The following GSTO1 variants were observed in gnomAD, a reference collection of about 807,000 sequenced individuals.
The protein encoded by GSTO1 is glutathione S-transferase omega-1.
GSTO1 carries 27 observed loss-of-function variants against 23.8 expected under a neutral mutation model. The observed-to-expected ratio is 1.13, with a 90% CI of 0.83 to 1.56. The LOEUF (loss-of-function observed/expected upper bound fraction) is 1.56. GSTO1 is among the 40% of genes most tolerant of loss of function. GSTO1 has a pLI of 0.00. For missense variants in GSTO1, 255 were observed against 285.8 expected, an observed-to-expected ratio of 0.89 and a Z score of 0.78; for synonymous variants, 105 against 109.3, an observed-to-expected ratio of 0.96 and a Z score of 0.25.
In GSTO1 at chr10:104,267,327, T is replaced by G. The variant is rs200773057; in HGVS notation, c.648T>G (p.Leu216=). 4.3e-6 allele frequency: 7 copies of G among 1,613,516 alleles called. 1 individual carries two copies. The highest frequency in any genetic ancestry group is 5.9e-6 in the Non-Finnish European group (7 of 1,179,582). Reference sequence around the variant, plus strand: ...AAGATCCCACAGTCTCAGCCCTGCTTACTAGTGAGAAAGACTGGCAAGGTT... The same window carrying G: ...AAGATCCCACAGTCTCAGCCCTGCTGACTAGTGAGAAAGACTGGCAAGGTT... The part of the protein sequence containing the change: ...MKEDPTVSAL[L]TSEKDWQGFL... Residue 216 remains leucine (L), a synonymous_variant, in exon 6 of 6, where the codon CTT becomes CTG. Transcript: ENST00000369713.
In GSTO1 at chr10:104,254,902, G is replaced by C; in HGVS notation, c.-27G>C. 1 of 1,610,118 alleles carries C rather than the reference G, an allele frequency of 6.2e-7. No individual in the cohort carries two copies. The highest frequency in any genetic ancestry group is 8.5e-7 in the Non-Finnish European group (1 of 1,178,306). On this transcript the variant is annotated 5_prime_UTR_variant, in exon 1 of 6. Transcript: ENST00000369713. Reference sequence around the variant, plus strand: ...CTTCCTGAATCCCCTGCAAACCCCAGAGGAGCTCGGCCTGCGCTGCGCCAC... The same window carrying C: ...CTTCCTGAATCCCCTGCAAACCCCACAGGAGCTCGGCCTGCGCTGCGCCAC...
At position 104,267,395 on chromosome 10, in the gene GSTO1, A is replaced by G. The variant is rs148530043; in HGVS notation, c.716A>G (p.Tyr239Cys). Reference protein sequence around the residue: ...YLQNSPEACDYGL With the variant: ...YLQNSPEACDCGL ...CAGAACAGCCCTGAGGCCTGTGACT[A>G]TGGGCTCTGAAGGGGGCAGGAGTCA... The change falls in exon 6 of 6, where the codon TAT (tyrosine) becomes TGT (cysteine). Residue 239 changes from tyrosine to cysteine, a missense_variant. Coordinates refer to ENST00000369713, the MANE Select transcript of GSTO1 (RefSeq NM_004832.3). The G allele has an allele frequency of 1.4e-5, 23 of 1,609,882 alleles. No homozygotes were observed. Among genetic ancestry groups the G allele is most frequent in the East Asian group, 1.1e-4 (5 of 44,844 alleles).
intron 4 of GSTO1, among the ~76,000 whole-genome samples, chr10:104,265,237 T>C (rs951144044): frequency 6.6e-6 from 1 of 152,182 alleles, no homozygotes; most frequent in Non-Finnish European, 1.5e-5. Flanking sequence ...AAATACTAGT[T>C]TGGGCTTTTT....
At chr10:104,262,077 A>G (rs915613501) in intron 3 of GSTO1, among the ~76,000 whole-genome samples, 1 of 152,210 alleles carries the variant, frequency 6.6e-6, no homozygotes, top group African/African-American at 2.4e-5. Context: ...CGAGCAAGGT[A>G]AGGAAACAGG....
intron 2 of GSTO1, among the ~76,000 whole-genome samples, chr10:104,256,703 T>G (rs2091604448): frequency 6.6e-6 from 1 of 152,200 alleles, no homozygotes; most frequent in Non-Finnish European, 1.5e-5. Context: ...ATCTTCCAAC[T>G]TGCTGTGGCA....
At position 104,255,070 on chromosome 10, in the gene GSTO1, C is replaced by CG. The variant is rs1187510522; in HGVS notation, c.35-90dup. On this transcript the variant is annotated intron_variant, in intron 1 of 5. Transcript: ENST00000369713. ...CCGGGAGCGCCCCACCGGCGGGGAA[C>CG]GGGTCGGAGCTGCAGTGGGACGCGG... 2.1e-6 allele frequency: 3 copies of CG among 1,424,300 alleles called. No homozygotes were observed. The African/African-American group carries it at 4.2e-5, about 20-fold the overall frequency. 88.2% of individuals were successfully genotyped at this position (1,424,300 alleles called of 1,614,324 possible).
chr10:104,263,418 T>A (rs997896432), intron 4 of GSTO1, among the ~76,000 whole-genome samples: 4 of 152,098 alleles, frequency 2.6e-5, no homozygotes, highest in African/African-American at 4.8e-5. Flanking sequence ...TCCATATATT[T>A]AAAAAAAATT....
At chr10:104,266,804 T>C (rs549518007) in intron 5 of GSTO1, among the ~76,000 whole-genome samples, 64 of 152,282 alleles carry the variant, frequency 4.2e-4, no homozygotes, top group Non-Finnish European at 7.8e-4. Context: ...ACGACCAGTG[T>C]TACCTCCCAT....
intron 1 of GSTO1, 79 bp from the exon 2 acceptor site, chr10:104,255,084 A>T (rs1458287396): frequency 1.4e-6 from 2 of 1,427,168 alleles, no homozygotes; most frequent in Non-Finnish European, 1.9e-6. Context: ...TCGGAGCTGC[A>T]GTGGGACGCG....
At chr10:104,266,336 G>C (rs1462466806) in intron 5 of GSTO1, 146 bp downstream of exon 5, 1 of 562,828 alleles carries the variant, frequency 1.8e-6, no homozygotes, top group Non-Finnish European at 3.2e-6. Context: ...ACTATCCCAG[G>C]CATGTCATAT....
At chr10:104,262,833 C>G (rs910013144) in intron 3 of GSTO1, 146 bp from the exon 4 acceptor site, 90 of 497,654 alleles carry the variant, frequency 1.8e-4, no homozygotes, top group Non-Finnish European at 2.3e-4. Flanking sequence ...AGTCCATTAC[C>G]TCTGTGAGCG....
chr10:104,266,782 T>C (rs17116751), intron 5 of GSTO1, among the ~76,000 whole-genome samples: 11,166 of 151,984 alleles, frequency 0.073, 1,364 homozygotes, highest in African/African-American at 0.25. Flanking sequence ...AAGGATGTTG[T>C]TGCGGGATTG....
chr10:104,254,745 A>G (rs2135047321), upstream of GSTO1: 1 of 652,172 alleles, frequency 1.5e-6, no homozygotes, highest in Non-Finnish European at 2.7e-6. Flanking sequence ...ACAGCCCCTT[A>G]AGATGTTTTA....
chr10:104,262,606 G>A (rs1252695870), intron 3 of GSTO1, among the ~76,000 whole-genome samples: 3 of 152,202 alleles, frequency 2.0e-5, no homozygotes, highest in Admixed American at 6.5e-5. Context: ...CAGCTACTAA[G>A]GAGGCGGAGA....
intron 5 of GSTO1, 134 bp from the exon 6 acceptor site, chr10:104,267,118 C>T (rs986190754): frequency 1.8e-6 from 1 of 550,294 alleles, no homozygotes; most frequent in Admixed American, 3.5e-5. Context: ...CTATTACAGG[C>T]ATTTTTAAAT....
At chr10:104,262,937 T>G in intron 3 of GSTO1, 42 bp from the exon 4 acceptor site, 1 of 850,458 alleles carries the variant, frequency 1.2e-6, no homozygotes, top group Non-Finnish European at 2.0e-6. Flanking sequence ...GCCGATACAG[T>G]TAGCCATAAA....
At chr10:104,263,518 C>T (rs2011155947) in intron 4 of GSTO1, among the ~76,000 whole-genome samples, 1 of 152,152 alleles carries the variant, frequency 6.6e-6, no homozygotes, top group South Asian at 2.1e-4. Context: ...TATTTCCCAC[C>T]AGAAAAAGTT....
At chr10:104,258,677 A>G (rs1210890262) in intron 2 of GSTO1, among the ~76,000 whole-genome samples, 1 of 152,130 alleles carries the variant, frequency 6.6e-6, no homozygotes, top group African/African-American at 2.4e-5. Flanking sequence ...CCTTGGCAAC[A>G]TGGCAGAATC....
At chr10:104,255,417 T>C (rs1389967852) in intron 2 of GSTO1, 146 bp downstream of exon 2, 7 of 607,988 alleles carry the variant, frequency 1.2e-5, no homozygotes, top group Non-Finnish European at 2.1e-5. Context: ...CTTTGGAAAA[T>C]AGCAAGTTAT....
Sources: gnomAD v4.1 joint callset for allele counts (sites outside exome capture counted in the v4.1 genomes callset) on GRCh38, gnomAD v4.1.1 for gene constraint, MANE v1.5 for transcripts, NCBI Gene and HGNC (gene_info 2026-07-23, HGNC 2026-07-21) for gene names.